The following LCOR variants were observed in gnomAD, a reference collection of about 807,000 sequenced individuals.
LCOR encodes the protein ligand-dependent corepressor.
Under a neutral mutation model 64.4 loss-of-function variants are expected in LCOR, and 14 were observed. The observed-to-expected ratio is 0.22, with a 90% confidence interval of 0.14 to 0.34. The LOEUF is 0.34. Ranked by LOEUF, LCOR falls within the 10% of genes least tolerant of loss-of-function variation. The pLI, the probability that LCOR is intolerant of heterozygous loss-of-function variation, is 1.00. For missense variants in LCOR, 1,686 were observed against 1,765.3 expected (o/e 0.96, Z 0.80); for synonymous variants, 643 against 642.5 (o/e 1.00, Z -0.01).
At chr10:96,919,120 A>T (rs1489569990) in intron 4 of LCOR, among the ~76,000 whole-genome samples, 1 of 152,234 alleles carries the variant, frequency 6.6e-6, no homozygotes. Context: ...TTTCAACTGT[A>T]AAATTATATG....
chr10:96,864,694 A>G (rs1313410263), intron 2 of LCOR, among the ~76,000 whole-genome samples: 1 of 152,240 alleles, frequency 6.6e-6, no homozygotes, highest in Non-Finnish European at 1.5e-5. Flanking sequence ...TAAGATTATA[A>G]TACTGTATTT....
chr10:96,984,538 G>C lies in LCOR; in HGVS notation c.4078G>C (p.Ala1360Pro). The change falls in exon 8 of 8, where the codon GCC (alanine) becomes CCC (proline). Residue 1360 changes from alanine to proline, a missense_variant. Around this residue, in one of 3 missense-constraint regions of LCOR, gnomAD observed 1,293 missense variants for 1,410.4 expected, o/e 0.92. Coordinates refer to ENST00000421806, the MANE Select transcript of LCOR (RefSeq NM_001346516.2). ...CAACCCTCTGATGTCCCCCAAGCTTGCCCTGCAAGTGGATGCAGATGGGTT... is the reference window on the plus strand; with the variant it reads ...CAACCCTCTGATGTCCCCCAAGCTTCCCCTGCAAGTGGATGCAGATGGGTT... ...CINPLMSPKL[A>P]LQVDADGFPV... 6.2e-7 allele frequency: 1 copy of C among 1,614,226 alleles called. No individual in the cohort carries two copies. The highest frequency in any genetic ancestry group is 8.5e-7 in the Non-Finnish European group (1 of 1,180,044).
chr10:96,938,755 G>C (rs996139655), intron 4 of LCOR, among the ~76,000 whole-genome samples: 4 of 151,994 alleles, frequency 2.6e-5, no homozygotes, highest in Non-Finnish European at 5.9e-5. Context: ...ATATGAACAT[G>C]AAAGTTTGAA....
At chr10:96,930,635 G>A (rs535815227) in intron 4 of LCOR, among the ~76,000 whole-genome samples, 1 of 152,298 alleles carries the variant, frequency 6.6e-6, no homozygotes, top group South Asian at 2.1e-4. Flanking sequence ...AAATTGTGGA[G>A]AAAAGCGTAG....
chr10:96,984,507 A>G lies in LCOR; in HGVS notation c.4047A>G (p.Val1349=). ...AVESKPSRKS[V]CINPLMSPKL... The stretch of plus-strand genomic sequence containing the variant: ...AAAGTAAGCCAAGTCGTAAGAGCGT[A>G]TGCATCAACCCTCTGATGTCCCCCA... The change falls in exon 8 of 8, where the codon GTA becomes GTG. Residue 1349 remains valine (V), a synonymous_variant. Transcript: ENST00000421806. The G allele has an allele frequency of 2.5e-6, 4 of 1,614,224 alleles. No individual in the cohort carries two copies. Among genetic ancestry groups the G allele is most frequent in the Non-Finnish European group, 8.5e-7 (1 of 1,180,042 alleles).
chr10:96,911,629 C>T (rs1000880862), intron 4 of LCOR, among the ~76,000 whole-genome samples: 1 of 152,074 alleles, frequency 6.6e-6, no homozygotes, highest in Non-Finnish European at 1.5e-5. Context: ...AGGGAATCCT[C>T]AGTTGGAAAT....
At chr10:96,965,263 C>T (rs1847937093) in intron 7 of LCOR, among the ~76,000 whole-genome samples, 1 of 151,692 alleles carries the variant, frequency 6.6e-6, no homozygotes, top group South Asian at 2.1e-4. Context: ...CCTGCCTCAG[C>T]CTCCCAAAGT....
In LCOR at chr10:96,991,883, G is replaced by T. The variant is rs539876163; in HGVS notation, c.*6749G>T. On this transcript the variant is annotated 3_prime_UTR_variant, in exon 8 of 8. Transcript: ENST00000421806. ...TCTGGGACAGTCCCCCACTTCCCCA[G>T]TGTGGCCCTGAACACAAATTTGTCA... 6.6e-6 allele frequency: 1 copy of T among 152,314 alleles called. No individual in the cohort carries two copies. The highest frequency in any genetic ancestry group is 1.9e-4 in the East Asian group (1 of 5,184). 9.4% of individuals were successfully genotyped at this position (152,314 alleles called of 1,614,324 possible).
At chr10:96,900,135 A>T (rs1385425609) in intron 2 of LCOR, among the ~76,000 whole-genome samples, 1 of 152,062 alleles carries the variant, frequency 6.6e-6, no homozygotes, top group Non-Finnish European at 1.5e-5. Flanking sequence ...CTATCTATAG[A>T]TTTGCCTTTT....
At chr10:96,928,809 C>G (rs1289182568) in intron 4 of LCOR, among the ~76,000 whole-genome samples, 2 of 152,128 alleles carry the variant, frequency 1.3e-5, no homozygotes, top group East Asian at 1.9e-4. Flanking sequence ...CAGTATTACT[C>G]TTGGATACAT....
intron 4 of LCOR, among the ~76,000 whole-genome samples, chr10:96,942,880 ATAAAT>A (rs1847519627): frequency 6.6e-6 from 1 of 152,236 alleles, no homozygotes; most frequent in African/African-American, 2.4e-5. Flanking sequence ...GTGATTTCAA[ATAAAT>A]TATATGCACT....
intron 4 of LCOR, among the ~76,000 whole-genome samples, chr10:96,935,210 A>G (rs965460179): frequency 8.6e-6 from 1 of 116,390 alleles, no homozygotes; most frequent in Non-Finnish European, 1.6e-5. Context: ...ATGCAGTGGT[A>G]TGATCTTGGC....
Position 96,981,875 on chromosome 10 carries a change from T to A in LCOR, c.1415T>A (p.Val472Asp). ...AATGATTATGATAACCAGTGTGATG[T>A]TGTTTATATCAGTCAACCAATAACA... ...RINDYDNQCD[V>D]VYISQPITEC... The change falls in exon 8 of 8, where the codon GTT becomes GAT. Residue 472 changes from valine to aspartate, a missense_variant. Val to Asp is a radical substitution (Grantham distance 152). Coordinates refer to ENST00000421806, the MANE Select transcript of LCOR (RefSeq NM_001346516.2). 3.7e-6 allele frequency: 6 copies of A among 1,614,192 alleles called. No individual in the cohort carries two copies. The highest frequency in any genetic ancestry group is 5.1e-6 in the Non-Finnish European group (6 of 1,180,046).
chr10:96,839,366 A>T (rs1845499744), intron 2 of LCOR, among the ~76,000 whole-genome samples: 1 of 152,232 alleles, frequency 6.6e-6, no homozygotes, highest in Non-Finnish European at 1.5e-5. Context: ...ACTGCAGGAT[A>T]CCTTATGAAG....
At chr10:96,846,564 T>C (rs1205277118) in intron 2 of LCOR, among the ~76,000 whole-genome samples, 1 of 152,242 alleles carries the variant, frequency 6.6e-6, no homozygotes, top group Admixed American at 6.5e-5. Context: ...TACTGGCTTC[T>C]TAAAACAAAA....
chr10:96,903,114 G>A (rs746894829), intron 2 of LCOR, among the ~76,000 whole-genome samples: 2 of 152,138 alleles, frequency 1.3e-5, no homozygotes, highest in Non-Finnish European at 1.5e-5. Flanking sequence ...ATTGTCACAC[G>A]TGGATAGGGC....
At chr10:96,901,196 A>C (rs572762349) in intron 2 of LCOR, among the ~76,000 whole-genome samples, 1 of 152,010 alleles carries the variant, frequency 6.6e-6, no homozygotes, top group South Asian at 2.1e-4. Flanking sequence ...AAAAAAAAAT[A>C]ATAAAATAAA....
chr10:96,968,706 G>T (rs1488964101), intron 7 of LCOR, among the ~76,000 whole-genome samples: 1 of 152,136 alleles, frequency 6.6e-6, no homozygotes, highest in Non-Finnish European at 1.5e-5. Context: ...AGGCCGAAAT[G>T]AGATGATCAC....
rs374035923 is a variant in LCOR at position 96,877,214 on chromosome 10, A to G, written c.-329-30051A>G. Among the ~76,000 whole-genome samples the G allele has an allele frequency of 5.3e-5, 8 of 152,132 alleles. No homozygotes were observed. The East Asian group carries it at 1.3e-3, about 26-fold the overall frequency. On this transcript the variant is annotated intron_variant, in intron 2 of 7. Transcript: ENST00000421806. Reference sequence around the variant, plus strand: ...AACTATATCAAATCAACAAAAATCCAGGAGTTCATAATGATGCTTTAAAAA... The same window carrying G: ...AACTATATCAAATCAACAAAAATCCGGGAGTTCATAATGATGCTTTAAAAA...
Sources: allele counts gnomAD v4.1 joint callset (sites outside exome capture counted in the v4.1 genomes callset), GRCh38; gene constraint gnomAD v4.1.1; regional missense constraint gnomAD v4.1.1; transcripts MANE v1.5; gene names NCBI Gene and HGNC (gene_info 2026-07-23, HGNC 2026-07-21).